LPA: variants seen among roughly 807,000 people sequenced by gnomAD.
LPA encodes the protein lipoprotein(a), also known as apolipoprotein(a).
LPA carries 199 observed loss-of-function variants against 197.9 expected under a neutral mutation model. The ratio of observed to expected loss-of-function variants is 1.01; its 90% CI spans 0.90 to 1.13. LPA has a LOEUF of 1.13. Among genes scored for constraint, LPA ranks in the 50% most tolerant of loss-of-function variants. The pLI is 0.00. For synonymous variants in LPA, 715 were observed against 639.5 expected, an observed-to-expected ratio of 1.12 and a Z score of -1.78; for missense variants, 1,853 against 1,785.8, an observed-to-expected ratio of 1.04 and a Z score of -0.68.
At chr6:160,544,403 A>G (rs1778030505) in intron 33 of LPA, among the ~76,000 whole-genome samples, 1 of 152,162 alleles carries the variant, frequency 6.6e-6, no homozygotes, top group Non-Finnish European at 1.5e-5. Context: ...ATCAACTCAC[A>G]CTAAATCCAG....
chr6:160,561,558 T>C (rs1778362616), intron 28 of LPA, among the ~76,000 whole-genome samples: 3 of 152,170 alleles, frequency 2.0e-5, no homozygotes, highest in Admixed American at 2.0e-4. Flanking sequence ...ATACAGGCCC[T>C]TTTTCTATTC....
chr6:160,610,708 C>A (rs1227482974), intron 16 of LPA, among the ~76,000 whole-genome samples: 1 of 152,114 alleles, frequency 6.6e-6, no homozygotes, highest in African/African-American at 2.4e-5. Flanking sequence ...ATCCCAAACT[C>A]CAATCCCTCT....
chr6:160,650,308 G>A (rs750838747), intron 2 of LPA, 30 bp downstream of exon 2: 5 of 1,610,858 alleles, frequency 3.1e-6, no homozygotes, highest in South Asian at 2.2e-5. Flanking sequence ...CTTGGACCTT[G>A]TTTTGCTTAC....
chr6:160,580,248 A>G (rs1300575074), intron 26 of LPA, among the ~76,000 whole-genome samples: 7 of 152,212 alleles, frequency 4.6e-5, no homozygotes, highest in Admixed American at 2.0e-4. Flanking sequence ...TTGTATAAAT[A>G]TACTGGAAAT....
At position 160,591,017 on chromosome 6, in the gene LPA, C is replaced by T; in HGVS notation, c.3714G>A (p.Glu1238=). 2 of 1,613,998 alleles carry T rather than the reference C, an allele frequency of 1.2e-6. No homozygotes were observed. Among genetic ancestry groups the T allele is most frequent in the East Asian group, 2.2e-5 (1 of 44,832 alleles). Residue 1238 remains glutamate (E), a synonymous_variant, in exon 23 of 39, where the codon GAG becomes GAA. Transcript: ENST00000316300. Reference sequence around the variant, plus strand: ...CTGGACATTGTGTCAGGTTGCAGTACTCCCATCTGACATTGGGATCCATGG... The same window carrying T: ...CTGGACATTGTGTCAGGTTGCAGTATTCCCATCTGACATTGGGATCCATGG... ...CYTMDPNVRW[E]YCNLTQCPVT...
intron 23 of LPA, 38 bp downstream of exon 23, chr6:160,590,906 C>A (rs776472721): frequency 5.0e-6 from 8 of 1,613,494 alleles, no homozygotes; most frequent in Non-Finnish European, 6.8e-6. Flanking sequence ...TTTATCCCAA[C>A]GTCCAAGGGT....
At position 160,650,392 on chromosome 6, in the gene LPA, C is replaced by A. The variant is rs751841836; in HGVS notation, c.155G>T (p.Trp52Leu). 1 of 1,613,888 alleles carries A rather than the reference C, an allele frequency of 6.2e-7. No homozygotes were observed. The highest frequency in any genetic ancestry group is 8.5e-7 in the Non-Finnish European group (1 of 1,179,832). The change falls in exon 2 of 39, where the codon TGG (tryptophan) becomes TTG (leucine). Residue 52 changes from tryptophan (W) to leucine (L), a missense_variant. Coordinates refer to ENST00000316300, the MANE Select transcript of LPA (RefSeq NM_005577.4). ...TTVTGRTCQA[W>L]SSMTPHQHNR... is the part of the protein sequence containing the mutation. ...ATGTTGATGTGGTGTCATAGATGAC[C>A]AAGCTTGGCAGGTCCTTCCTGTGAC... is the stretch of plus-strand genomic sequence containing the variant.
Position 160,601,085 on chromosome 6 carries a change from TC to T in LPA, c.2958del (p.Asn987ThrfsTer28). The part of the protein sequence containing the change: ...PAYYPNAGLI[K>X]NYCRNPDPVA... ...ACAGGATCTGGATTTCGGCAGTAGT[TC>T]TTGATCAAGCCACTGGAAATTCCAA... On this transcript the variant is annotated frameshift_variant, in exon 19 of 39. Transcript: ENST00000316300. LOFTEE classifies it high-confidence loss of function. 1 of 1,614,042 alleles carries T rather than the reference TC, an allele frequency of 6.2e-7. No homozygotes were observed. Among genetic ancestry groups the T allele is most frequent in the Non-Finnish European group, 8.5e-7 (1 of 1,179,962 alleles).
chr6:160,601,791 G>C (rs1327931134), intron 18 of LPA, among the ~76,000 whole-genome samples: 1 of 152,294 alleles, frequency 6.6e-6, no homozygotes, highest in East Asian at 1.9e-4. Context: ...CTCTAGGATG[G>C]GTTCCTGGTC....
intron 28 of LPA, among the ~76,000 whole-genome samples, chr6:160,566,796 G>T (rs950655765): frequency 6.6e-6 from 1 of 152,076 alleles, no homozygotes; most frequent in Admixed American, 6.6e-5. Flanking sequence ...GATGGAGGAA[G>T]ATCTACCAAG....
At chr6:160,610,580 T>G (rs190032497) in intron 16 of LPA, among the ~76,000 whole-genome samples, 1 of 152,168 alleles carries the variant, frequency 6.6e-6, no homozygotes, top group Non-Finnish European at 1.5e-5. Flanking sequence ...CCATTTTCTG[T>G]GCACATGCAG....
intron 28 of LPA, among the ~76,000 whole-genome samples, chr6:160,561,554 GCCCT>G (rs1375664818): frequency 1.4e-4 from 21 of 152,212 alleles, no homozygotes; most frequent in South Asian, 1.2e-3. Context: ...GGATATACAG[GCCCT>G]TTTTCTATTC....
chr6:160,567,583 A>G (rs1056686908), intron 28 of LPA, among the ~76,000 whole-genome samples: 1 of 152,228 alleles, frequency 6.6e-6, no homozygotes, highest in Non-Finnish European at 1.5e-5. Flanking sequence ...CCATTAAAAG[A>G]ACTAGAGAAG....
chr6:160,608,020 T>G (rs911020335), intron 16 of LPA, among the ~76,000 whole-genome samples: 3 of 152,176 alleles, frequency 2.0e-5, no homozygotes, highest in Admixed American at 2.0e-4. Context: ...TTACGCTACT[T>G]GTTCAAATTC....
chr6:160,590,082 T>G (rs1436799553), intron 23 of LPA, among the ~76,000 whole-genome samples: 1 of 152,010 alleles, frequency 6.6e-6, no homozygotes, highest in Non-Finnish European at 1.5e-5. Flanking sequence ...TGGTTGTCAG[T>G]GGGGGCAGAC....
chr6:160,662,515 C>A (rs532969636), intron 1 of LPA, among the ~76,000 whole-genome samples: 1 of 152,192 alleles, frequency 6.6e-6, no homozygotes, highest in Non-Finnish European at 1.5e-5. Context: ...ATGTGCCCCC[C>A]AGGTCGATTA....
intron 26 of LPA, among the ~76,000 whole-genome samples, chr6:160,584,270 C>CTCTTCTTCT (rs60345887): frequency 5.8e-4 from 66 of 112,828 alleles, no homozygotes; most frequent in African/African-American, 2.2e-3. Flanking sequence ...CTTCCTCTTC[C>CTCTTCTTCT]TCTTCTTCTT....
chr6:160,654,088 T>A (rs1562355094), intron 1 of LPA, among the ~76,000 whole-genome samples: 5 of 36,116 alleles, frequency 1.4e-4, no homozygotes, highest in Admixed American at 4.6e-4. Flanking sequence ...ATATTATATA[T>A]ATTATATATA....
intron 7 of LPA, among the ~76,000 whole-genome samples, chr6:160,634,676 G>A (rs1343947597): frequency 1.3e-5 from 2 of 151,666 alleles, no homozygotes; most frequent in African/African-American, 4.9e-5. Flanking sequence ...TGGAATTAAT[G>A]CAGCCCTGTT....
Sources: gnomAD v4.1 joint callset for allele counts (sites outside exome capture counted in the v4.1 genomes callset) on GRCh38, gnomAD v4.1.1 for gene constraint, MANE v1.5 for transcripts, NCBI Gene and HGNC (gene_info 2026-07-23, HGNC 2026-07-21) for gene names.